CTBP2: variants seen among roughly 807,000 people sequenced by gnomAD.
The protein encoded by CTBP2 is C-terminal-binding protein 2.
In CTBP2, 30 loss-of-function variants were observed where a neutral mutation model predicts 80.3. That is an observed-to-expected ratio of 0.37 (90% CI 0.28 to 0.51). The LOEUF is 0.51. Among genes scored for constraint, CTBP2 ranks in the 20% least tolerant of loss-of-function variants. The pLI is 0.93. For missense variants in CTBP2, 1,212 were observed against 1,375.3 expected (o/e 0.88, Z 1.88); for synonymous variants, 594 against 587.4 (o/e 1.01, Z -0.16).
chr10:125,039,664 C>A (rs1237888303), intron 2 of CTBP2, among the ~76,000 whole-genome samples: 2 of 152,212 alleles, frequency 1.3e-5, no homozygotes, highest in Non-Finnish European at 2.9e-5. Context: ...CACAGCTCAG[C>A]ACAACACAAA....
At chr10:125,111,276 C>T (rs1852255546) in intron 1 of CTBP2, among the ~76,000 whole-genome samples, 183 bp from the exon 2 acceptor site, 1 of 152,104 alleles carries the variant, frequency 6.6e-6, no homozygotes, top group Non-Finnish European at 1.5e-5. Context: ...TCAAATTAAA[C>T]AGTAGAGCAC....
chr10:125,092,176 CTTTT>C (rs71029238), intron 2 of CTBP2, among the ~76,000 whole-genome samples: 5 of 87,098 alleles, frequency 5.7e-5, no homozygotes, highest in African/African-American at 1.3e-4. Flanking sequence ...TCTGAAGATT[CTTTT>C]TTTTTTTTTT....
chr10:125,019,808 A>C (rs752441191), intron 1 of CTBP2, among the ~76,000 whole-genome samples: 1 of 152,228 alleles, frequency 6.6e-6, no homozygotes, highest in Non-Finnish European at 1.5e-5. Flanking sequence ...CTCCAAATTA[A>C]AACTTTCATG....
At chr10:125,124,448 T>C (rs1267734953) in intron 1 of CTBP2, among the ~76,000 whole-genome samples, 1 of 129,858 alleles carries the variant, frequency 7.7e-6, no homozygotes, top group East Asian at 2.6e-4. Flanking sequence ...CAATTTACTA[T>C]CTGTCAGCAA....
chr10:125,053,864 A>C (rs1036716083), intron 2 of CTBP2, among the ~76,000 whole-genome samples: 1 of 152,228 alleles, frequency 6.6e-6, no homozygotes, highest in African/African-American at 2.4e-5. Context: ...GCCCAGCTCC[A>C]CAAGAAACCA....
chr10:125,003,614 G>A (rs922950028), intron 1 of CTBP2, 122 bp from the exon 4 acceptor site: 17 of 721,956 alleles, frequency 2.4e-5, no homozygotes, highest in Non-Finnish European at 2.1e-5. Context: ...GCGGAGCAGC[G>A]AGGGCACCGC....
chr10:124,984,728 T>G lies in CTBP2; in HGVS notation c.*4790A>C. On this transcript the variant is annotated 3_prime_UTR_variant, in exon 9 of 9. Transcript: ENST00000309035. ...CCATGTCACATTCCTACCAAGTCTC[T>G]GATCTGTTGTATGATTTTCCCTTTG... 1.9e-6 allele frequency: 3 copies of G among 1,577,116 alleles called. No homozygotes were observed. The highest frequency in any genetic ancestry group is 2.6e-6 in the Non-Finnish European group (3 of 1,156,430).
At chr10:125,104,088 G>A (rs572633253) in intron 2 of CTBP2, among the ~76,000 whole-genome samples, 22 of 152,270 alleles carry the variant, frequency 1.4e-4, no homozygotes, top group South Asian at 4.2e-4. Context: ...ACCAATTCTC[G>A]TTTTCCACAA....
chr10:125,160,616 GCTCCC>G (rs1341873561), upstream of CTBP2: 64 of 14,238 alleles, frequency 4.5e-3, no homozygotes, highest in African/African-American at 0.014. Context: ...CCCTCCCTCC[GCTCCC>G]CTCCCCTCCC....
At chr10:125,069,041 T>A (rs1428146864) in intron 2 of CTBP2, among the ~76,000 whole-genome samples, 2 of 152,042 alleles carry the variant, frequency 1.3e-5, no homozygotes, top group Non-Finnish European at 2.9e-5. Flanking sequence ...CTCACAGGGC[T>A]GGGGTAGAGC....
At chr10:125,069,896 C>G (rs531130104) in intron 2 of CTBP2, among the ~76,000 whole-genome samples, 68 of 70,046 alleles carry the variant, frequency 9.7e-4, no homozygotes, top group African/African-American at 2.4e-3. Flanking sequence ...CTCCCCCCCC[C>G]ACACAAACCC....
chr10:125,148,092 G>A (rs910113875), intron 1 of CTBP2, among the ~76,000 whole-genome samples: 1 of 152,040 alleles, frequency 6.6e-6, no homozygotes, highest in African/African-American at 2.4e-5. Flanking sequence ...TCCCTTCTTT[G>A]CCACACTTCC....
chr10:125,049,564 C>T (rs987356636), intron 2 of CTBP2, among the ~76,000 whole-genome samples: 1 of 152,166 alleles, frequency 6.6e-6, no homozygotes, highest in Non-Finnish European at 1.5e-5. Flanking sequence ...GACGAGGTTC[C>T]TCTGTACAAC....
At chr10:125,033,710 G>A (rs1958518608) in intron 3 of CTBP2, among the ~76,000 whole-genome samples, 1 of 151,826 alleles carries the variant, frequency 6.6e-6, no homozygotes, top group Non-Finnish European at 1.5e-5. Context: ...CCCACCCCAA[G>A]CACTGCTCCC....
In CTBP2 at chr10:124,998,022, G is replaced by A. The variant is rs547428674; in HGVS notation, c.2127C>T (p.Arg709=). Reference sequence around the variant, plus strand: ...TGCGGGCCGCTCCCGAGGCCACCTCGCGGATCTGCTCCACGCTCTGAACCC... The same window carrying A: ...TGCGGGCCGCTCCCGAGGCCACCTCACGGATCTGCTCCACGCTCTGAACCC... Residue 709 remains arginine, a synonymous_variant, in exon 4 of 9, where the codon CGC becomes CGT. Transcript: ENST00000309035. 8 of 1,613,264 alleles carry A rather than the reference G, an allele frequency of 5.0e-6. No individual in the cohort carries two copies. Among genetic ancestry groups the A allele is most frequent in the South Asian group, 3.3e-5 (3 of 91,072 alleles).
intron 2 of CTBP2, among the ~76,000 whole-genome samples, chr10:125,105,946 T>C (rs117289833): frequency 0.031 from 4,710 of 152,258 alleles, 106 homozygotes; most frequent in Middle Eastern, 0.078. Flanking sequence ...CTTCAACAAG[T>C]GAGGCTCTGG....
chr10:125,074,835 A>G (rs1846045382), intron 2 of CTBP2, among the ~76,000 whole-genome samples: 1 of 152,232 alleles, frequency 6.6e-6, no homozygotes, highest in African/African-American at 2.4e-5. Context: ...CATCAGCTAC[A>G]GGTTTAACCT....
At position 125,027,786 on chromosome 10, in the gene CTBP2, C is replaced by A. The variant is rs748642503; in HGVS notation, c.-27G>T. On this transcript the variant is annotated 5_prime_UTR_variant, in exon 1 of 9. Coordinates refer to ENST00000309035, the MANE Select transcript of CTBP2 (RefSeq NM_022802.3). ...GGAAAAAAAATGACTGCGGATGAGG[C>A]AGAGGAGAAGCTTTTCTTTATAAAT... 2 of 1,505,266 alleles carry A rather than the reference C, an allele frequency of 1.3e-6. No individual in the cohort carries two copies. The highest frequency in any genetic ancestry group is 2.5e-5 in the South Asian group (2 of 78,790). 93.2% of individuals were successfully genotyped at this position (1,505,266 alleles called of 1,614,324 possible).
chr10:125,116,245 C>T (rs1213749591), intron 1 of CTBP2, among the ~76,000 whole-genome samples: 2 of 152,192 alleles, frequency 1.3e-5, no homozygotes, highest in Admixed American at 6.5e-5. Context: ...GGCCTGTACC[C>T]ACGCCTCACG....
Sources: gnomAD v4.1 joint callset for allele counts (sites outside exome capture counted in the v4.1 genomes callset) on GRCh38, gnomAD v4.1.1 for gene constraint, MANE v1.5 for transcripts, NCBI Gene and HGNC (gene_info 2026-07-23, HGNC 2026-07-21) for gene names.